Variants in ZNF98 observed in about 807,000 individuals in gnomAD.
ZNF98 encodes zinc finger protein 98.
In ZNF98, 8 loss-of-function variants were observed where a neutral mutation model predicts 12.8. That is an observed-to-expected ratio of 0.63 (90% confidence interval 0.37 to 1.13). The LOEUF is 1.13. ZNF98 is among the 50% of genes most tolerant of loss of function. ZNF98 has a pLI of 0.01. For synonymous variants in ZNF98, 112 were observed against 223.5 expected, an observed-to-expected ratio of 0.50 and a Z score of 4.45; for missense variants, 379 against 666.1, an observed-to-expected ratio of 0.57 and a Z score of 4.74.
Position 22,392,462 on chromosome 19 carries a change from A to G in ZNF98, c.773T>C (p.Ile258Thr), listed in dbSNP as rs1319434486. The G allele has an allele frequency of 6.4e-7, 1 of 1,569,622 alleles. No individual in the cohort carries two copies. The highest frequency in any genetic ancestry group is 8.6e-7 in the Non-Finnish European group (1 of 1,158,732). The change falls in exon 4 of 4, where the codon ATA becomes ACA. Residue 258 changes from isoleucine to threonine, a missense_variant. Physicochemically the swap from Ile to Thr is moderately conservative, Grantham distance 89 (BLOSUM62 -1). This residue lies in a region of ZNF98 where 24 missense variants were observed against 48.8 expected (regional missense o/e 0.49). Coordinates refer to ENST00000357774, the MANE Select transcript of ZNF98 (RefSeq NM_001098626.2). ...NRLSHLTTHK[I>T]IHTGKKPYKC... ...GTAGGGTTTCTTTCCAGTATGAATT[A>G]TCTTATGTGTAGTAAGGTGTGAGAG...
At chr19:22,421,493 AT>A (rs906526927) in intron 1 of ZNF98, among the ~76,000 whole-genome samples, 18 of 152,234 alleles carry the variant, frequency 1.2e-4, no homozygotes, top group South Asian at 2.1e-4. Context: ...ACTCAAATGC[AT>A]TTTTTTAATA....
intron 1 of ZNF98, among the ~76,000 whole-genome samples, chr19:22,416,842 G>A (rs1411758410): frequency 1.3e-5 from 2 of 151,196 alleles, no homozygotes; most frequent in Non-Finnish European, 2.9e-5. Flanking sequence ...CACACACACA[G>A]ATCATGTCCT....
intron 3 of ZNF98, among the ~76,000 whole-genome samples, chr19:22,401,524 C>A (rs1286147833): frequency 1.3e-5 from 2 of 148,936 alleles, no homozygotes; most frequent in Non-Finnish European, 3.0e-5. Context: ...ACTCTTGTTG[C>A]CCACATTGGA....
At position 22,391,761 on chromosome 19, in the gene ZNF98, A is replaced by G; in HGVS notation, c.1474T>C (p.Cys492Arg). The G allele has an allele frequency of 6.2e-7, 1 of 1,602,962 alleles. No individual in the cohort carries two copies. The highest frequency in any genetic ancestry group is 1.7e-5 in the Admixed American group (1 of 58,612). The change falls in exon 4 of 4, where the codon TGT (cysteine) becomes CGT (arginine). Residue 492 changes from cysteine (C) to arginine (R), a missense_variant. Transcript: ENST00000357774. ...TTAAAAGCTTTGCCACATTCTTCACATTTGTAGGGCTTCTCTCCAGTATGA... is the reference window on the plus strand; with the variant it reads ...TTAAAAGCTTTGCCACATTCTTCACGTTTGTAGGGCTTCTCTCCAGTATGA... Reference protein sequence around the residue: ...VIHTGEKPYKCEECGKAFNQS... With the variant: ...VIHTGEKPYKREECGKAFNQS...
chr19:22,399,978 ACT>A (rs1180493644), intron 3 of ZNF98, among the ~76,000 whole-genome samples: 1 of 152,108 alleles, frequency 6.6e-6, no homozygotes, highest in Non-Finnish European at 1.5e-5. Flanking sequence ...GAGTTGTGAA[ACT>A]CTGCTAATGC....
At chr19:22,407,120 G>A (rs143787104) in intron 1 of ZNF98, among the ~76,000 whole-genome samples, 2,857 of 151,772 alleles carry the variant, frequency 0.019, 94 homozygotes, top group African/African-American at 0.065. Flanking sequence ...GCAGTGGCGC[G>A]ATCTTGGCTC....
At chr19:22,414,943 AAC>A (rs1413579404) in intron 1 of ZNF98, among the ~76,000 whole-genome samples, 1 of 152,186 alleles carries the variant, frequency 6.6e-6, no homozygotes, top group African/African-American at 2.4e-5. Flanking sequence ...GTAAACAAAC[AAC>A]ACACAGAATA....
intron 3 of ZNF98, among the ~76,000 whole-genome samples, chr19:22,396,707 A>T (rs1225190038): frequency 2.6e-5 from 4 of 152,204 alleles, no homozygotes; most frequent in Non-Finnish European, 5.9e-5. Context: ...ATATGAATCA[A>T]ATGAGAGCAG....
intron 1 of ZNF98, among the ~76,000 whole-genome samples, chr19:22,404,203 G>A (rs890953272): frequency 2.0e-5 from 3 of 152,252 alleles, no homozygotes; most frequent in African/African-American, 7.2e-5. Flanking sequence ...CTGGGTGACA[G>A]AGCGAGACTC....
chr19:22,397,212 T>TTG (rs3084811), intron 3 of ZNF98, among the ~76,000 whole-genome samples: 51,866 of 145,080 alleles, frequency 0.36, 9,854 homozygotes, highest in Middle Eastern at 0.53. Flanking sequence ...GTGTGTGTTT[T>TTG]TGTGTGTGTG....
intron 3 of ZNF98, among the ~76,000 whole-genome samples, chr19:22,393,344 T>C (rs1296857126): frequency 6.6e-6 from 1 of 152,206 alleles, no homozygotes; most frequent in Non-Finnish European, 1.5e-5. Flanking sequence ...AATAATGGCT[T>C]ATACATCTTT....
At chr19:22,414,232 C>CAAA (rs57966582) in intron 1 of ZNF98, among the ~76,000 whole-genome samples, 179 of 89,176 alleles carry the variant, frequency 2.0e-3, no homozygotes, top group African/African-American at 5.2e-3. Flanking sequence ...GACTCCATCT[C>CAAA]AAAAAAAAAA....
intron 1 of ZNF98, among the ~76,000 whole-genome samples, chr19:22,412,768 C>T (rs536326981): frequency 1.3e-5 from 2 of 151,928 alleles, no homozygotes; most frequent in South Asian, 2.1e-4. Flanking sequence ...TCAACATACA[C>T]GAGGTGGGGC....
At chr19:22,397,519 T>A (rs1969410688) in intron 3 of ZNF98, among the ~76,000 whole-genome samples, 1 of 151,800 alleles carries the variant, frequency 6.6e-6, no homozygotes, top group Non-Finnish European at 1.5e-5. Context: ...AAAAGAAAAT[T>A]AAGTCTTACC....
intron 1 of ZNF98, among the ~76,000 whole-genome samples, chr19:22,405,366 G>C (rs547255859): frequency 6.6e-6 from 1 of 151,918 alleles, no homozygotes; most frequent in African/African-American, 2.4e-5. Context: ...ATAATGGCCT[G>C]TGAATCCTGC....
At chr19:22,409,913 C>CAAAAAAA (rs71180546) in intron 1 of ZNF98, among the ~76,000 whole-genome samples, 2 of 89,432 alleles carry the variant, frequency 2.2e-5, no homozygotes, top group African/African-American at 4.4e-5. Flanking sequence ...CTCTATCTCA[C>CAAAAAAA]AAAAAAAAAA....
intron 1 of ZNF98, among the ~76,000 whole-genome samples, chr19:22,412,640 T>TA (rs61327036): frequency 0.025 from 3,460 of 139,412 alleles, 111 homozygotes; most frequent in African/African-American, 0.075. Flanking sequence ...AGTAAAATCT[T>TA]AAAAAAAAAA....
intron 1 of ZNF98, among the ~76,000 whole-genome samples, chr19:22,407,363 T>C (rs901797414): frequency 6.6e-6 from 1 of 150,918 alleles, no homozygotes; most frequent in African/African-American, 2.4e-5. Context: ...AGTCCTATTT[T>C]GTTAATTTTT....
intron 2 of ZNF98, 51 bp downstream of exon 2, chr19:22,403,335 A>C: frequency 1.3e-6 from 2 of 1,525,798 alleles, no homozygotes; most frequent in Non-Finnish European, 1.8e-6. Context: ...AAAAAAGAGA[A>C]ATAAAATTTA....
Sources: allele counts gnomAD v4.1 joint callset (sites outside exome capture counted in the v4.1 genomes callset), GRCh38; gene constraint gnomAD v4.1.1; regional missense constraint gnomAD v4.1.1; transcripts MANE v1.5; gene names NCBI Gene and HGNC (gene_info 2026-07-23, HGNC 2026-07-21).